Variants in GBE1 observed in about 807,000 individuals in gnomAD.
GBE1 encodes 1,4-alpha-glucan branching enzyme 1, also known as 1,4-alpha-glucan-branching enzyme.
Under a neutral mutation model 88.8 loss-of-function variants are expected in GBE1, and 70 were observed. The observed-to-expected ratio is 0.79, with a 90% CI of 0.65 to 0.96. The LOEUF (loss-of-function observed/expected upper bound fraction) is 0.96. Ranked by LOEUF, GBE1 falls within the 40% of genes least tolerant of loss-of-function variation. The pLI, the probability that GBE1 is intolerant of heterozygous loss-of-function variation, is 0.00. For missense variants in GBE1, 872 were observed against 871.0 expected, an observed-to-expected ratio of 1.00 and a Z score of -0.01; for synonymous variants, 284 against 300.1, an observed-to-expected ratio of 0.95 and a Z score of 0.56.
intron 2 of GBE1, among the ~76,000 whole-genome samples, chr3:81,690,769 C>T (rs1266788604): frequency 1.3e-5 from 2 of 151,984 alleles, no homozygotes; most frequent in African/African-American, 4.8e-5. Flanking sequence ...CTATTTTATT[C>T]TACTTTTTAT....
At chr3:81,677,483 A>C (rs540701181) in intron 2 of GBE1, among the ~76,000 whole-genome samples, 34 of 152,338 alleles carry the variant, frequency 2.2e-4, no homozygotes, top group African/African-American at 7.7e-4. Flanking sequence ...ACTTTGTATC[A>C]TGCAGAATGT....
At chr3:81,520,230 G>T (rs1053673534) in intron 14 of GBE1, among the ~76,000 whole-genome samples, 1 of 151,340 alleles carries the variant, frequency 6.6e-6, no homozygotes, top group African/African-American at 2.4e-5. Context: ...GAAAGTTTGT[G>T]GAAACCCTGG....
chr3:81,617,051 T>C (rs1704257799), intron 7 of GBE1, among the ~76,000 whole-genome samples: 1 of 151,804 alleles, frequency 6.6e-6, no homozygotes, highest in African/African-American at 2.4e-5. Flanking sequence ...TCATTACTAG[T>C]ATATAGAAAT....
chr3:81,640,532 G>C (rs1250435404), intron 7 of GBE1, among the ~76,000 whole-genome samples: 1 of 151,872 alleles, frequency 6.6e-6, no homozygotes, highest in Non-Finnish European at 1.5e-5. Flanking sequence ...TCTTCAACTT[G>C]CAGATGACCT....
chr3:81,506,553 C>T (rs1392788630), intron 14 of GBE1, among the ~76,000 whole-genome samples: 1 of 152,136 alleles, frequency 6.6e-6, no homozygotes, highest in Non-Finnish European at 1.5e-5. Flanking sequence ...TTTAACCTAG[C>T]AATCTCGTTA....
intron 7 of GBE1, among the ~76,000 whole-genome samples, chr3:81,637,625 G>A (rs1190517763): frequency 2.0e-5 from 3 of 151,938 alleles, no homozygotes; most frequent in Non-Finnish European, 4.4e-5. Context: ...GTCATTGGGT[G>A]AATTGTTCTC....
intron 12 of GBE1, among the ~76,000 whole-genome samples, chr3:81,556,518 C>T (rs749520076): frequency 4.6e-5 from 7 of 151,916 alleles, no homozygotes; most frequent in Non-Finnish European, 7.4e-5. Flanking sequence ...TTTAATACTC[C>T]AAGTGACAGA....
chr3:81,759,132 A>C lies in GBE1; in HGVS notation c.143+2243T>G, dbSNP rs761959283. On this transcript the variant is annotated intron_variant, in intron 1 of 15. Transcript: ENST00000429644. ...GTCCAATAAACCTCTTCCTTTTGTA[A>C]ATTGCCCAGTCTCAGGTATGTCTTT... Among the ~76,000 whole-genome samples, 22 of 152,328 alleles carry C rather than the reference A, an allele frequency of 1.4e-4. No homozygotes were observed. The South Asian group carries it at 2.1e-3, about 14-fold the overall frequency.
At position 81,688,154 on chromosome 3, in the gene GBE1, C is replaced by T. The variant is rs117818356; in HGVS notation, c.314-17201G>A. Among the ~76,000 whole-genome samples the T allele has an allele frequency of 1.1e-3, 165 of 152,294 alleles. 1 individual carries two copies. The East Asian group carries it at 0.025, about 23-fold the overall frequency. On this transcript the variant is annotated intron_variant, in intron 2 of 15. Coordinates refer to ENST00000429644, the MANE Select transcript of GBE1 (RefSeq NM_000158.4). ...AAAGTATGGAAATAGTGTGCTACTC[C>T]GCACTACAGTGGATATAGCTGACTG... is the stretch of plus-strand genomic sequence containing the variant.
In GBE1 at chr3:81,761,502, T is replaced by A. The variant is rs1706689762; in HGVS notation, c.16A>T (p.Thr6Ser). 3.1e-6 allele frequency: 5 copies of A among 1,605,686 alleles called. No individual in the cohort carries two copies. The highest frequency in any genetic ancestry group is 3.4e-6 in the Non-Finnish European group (4 of 1,177,506). ...TAGTCCTCGGGCCGAGCCGCGGGAG[T>A]CATCGGAGCCGCCATATTCCGCCGC... The part of the protein sequence containing the change: MAAPM[T>S]PAARPEDYEA... Residue 6 changes from threonine (T) to serine (S), a missense_variant, in exon 1 of 16, where the codon ACT becomes TCT. Coordinates refer to ENST00000429644, the MANE Select transcript of GBE1 (RefSeq NM_000158.4).
intron 2 of GBE1, among the ~76,000 whole-genome samples, chr3:81,679,686 T>G (rs572745862): frequency 6.6e-6 from 1 of 152,228 alleles, no homozygotes; most frequent in African/African-American, 2.4e-5. Context: ...GTAACTCTGA[T>G]TATTCTCTCC....
chr3:81,705,466 T>G lies in GBE1; in HGVS notation c.291A>C (p.Gly97=). 1 of 1,594,568 alleles carries G rather than the reference T, an allele frequency of 6.3e-7. No homozygotes were observed. The highest frequency in any genetic ancestry group is 8.5e-7 in the Non-Finnish European group (1 of 1,171,904). ...TACTAAAATCTCCAGTAAGAAAAAC[T>G]CCTTCTGCTCCCGGGGCCCATTCTT... The part of the protein sequence containing the change: ...YCKEWAPGAE[G]VFLTGDFNGW... The change falls in exon 2 of 16, where the codon GGA becomes GGC. Residue 97 remains glycine, a synonymous_variant. Transcript: ENST00000429644.
rs147230275 is a variant in GBE1 at position 81,491,450 on chromosome 3, T to C, written c.2053-987A>G. On this transcript the variant is annotated intron_variant, in intron 15 of 15. Coordinates refer to ENST00000429644, the MANE Select transcript of GBE1 (RefSeq NM_000158.4). ...ATGACTGAATTAAAAAAATGAACAA[T>C]GAACAAAGGAATAATAGTGGATCAA... Among the ~76,000 whole-genome samples the C allele has an allele frequency of 5.3e-5, 8 of 152,234 alleles. No individual in the cohort carries two copies. In the East Asian group the frequency reaches 1.4e-3, roughly 26 times the overall value.
At chr3:81,523,980 A>C (rs1702907938) in intron 14 of GBE1, among the ~76,000 whole-genome samples, 1 of 151,780 alleles carries the variant, frequency 6.6e-6, no homozygotes, top group Non-Finnish European at 1.5e-5. Flanking sequence ...TATCTGCTCC[A>C]TATACTGATT....
At chr3:81,698,780 C>T (rs987711285) in intron 2 of GBE1, among the ~76,000 whole-genome samples, 13 of 152,050 alleles carry the variant, frequency 8.5e-5, no homozygotes, top group Admixed American at 4.6e-4. Flanking sequence ...AATCAGTCAG[C>T]GGCATTTACA....
chr3:81,746,601 G>A (rs1312813622), intron 1 of GBE1, among the ~76,000 whole-genome samples: 1 of 152,028 alleles, frequency 6.6e-6, no homozygotes, highest in East Asian at 1.9e-4. Flanking sequence ...AAATTAAAAT[G>A]ATAAGTCAAA....
chr3:81,618,243 T>A (rs1331353557), intron 7 of GBE1, among the ~76,000 whole-genome samples: 2 of 152,120 alleles, frequency 1.3e-5, no homozygotes, highest in Non-Finnish European at 2.9e-5. Context: ...TCTTCACTGT[T>A]TTCTAATTAA....
intron 12 of GBE1, among the ~76,000 whole-genome samples, chr3:81,540,564 T>C (rs753000727): frequency 1.3e-5 from 2 of 151,972 alleles, no homozygotes; most frequent in Non-Finnish European, 2.9e-5. Flanking sequence ...ATCCAAAGGG[T>C]TGCTAGCTAT....
At chr3:81,690,574 G>T (rs1705506116) in intron 2 of GBE1, among the ~76,000 whole-genome samples, 1 of 152,112 alleles carries the variant, frequency 6.6e-6, no homozygotes, top group African/African-American at 2.4e-5. Flanking sequence ...ATATATTTAT[G>T]AAACATTTGC....
Sources: gnomAD v4.1 joint callset for allele counts (sites outside exome capture counted in the v4.1 genomes callset) on GRCh38, gnomAD v4.1.1 for gene constraint, MANE v1.5 for transcripts, NCBI Gene and HGNC (gene_info 2026-07-23, HGNC 2026-07-21) for gene names.